AJAP1: variants seen among roughly 807,000 people sequenced by gnomAD.
The protein encoded by AJAP1 is adherens junction-associated protein 1.
AJAP1 carries 5 observed loss-of-function variants against 35.0 expected under a neutral mutation model. That is an observed-to-expected ratio of 0.14 (90% confidence interval 0.07 to 0.30). The LOEUF is 0.30. AJAP1 is among the 10% of genes least tolerant of loss of function. The pLI is 1.00. For missense variants in AJAP1, 586 were observed against 571.0 expected (o/e 1.03, Z -0.27); for synonymous variants, 284 against 249.3 (o/e 1.14, Z -1.31).
chr1:4,670,491 G>A (rs1639228463), intron 1 of AJAP1, among the ~76,000 whole-genome samples: 1 of 152,184 alleles, frequency 6.6e-6, no homozygotes. Flanking sequence ...ACAGTAACAA[G>A]GAACTTGTGA....
intron 3 of AJAP1, among the ~76,000 whole-genome samples, chr1:4,770,197 A>C (rs534197768): frequency 6.6e-6 from 1 of 152,140 alleles, no homozygotes; most frequent in African/African-American, 2.4e-5. Flanking sequence ...TGGGTTCCAG[A>C]TTCTTTCTCT....
At chr1:4,726,068 C>G (rs1002130178) in intron 2 of AJAP1, among the ~76,000 whole-genome samples, 1 of 152,294 alleles carries the variant, frequency 6.6e-6, no homozygotes, top group Admixed American at 6.5e-5. Context: ...GCAGAGGGCC[C>G]CAGGAGACCT....
chr1:4,781,939 C>T (rs2100376970), intron 5 of AJAP1, among the ~76,000 whole-genome samples: 1 of 152,334 alleles, frequency 6.6e-6, no homozygotes, highest in African/African-American at 2.4e-5. Context: ...CTGACCTGTG[C>T]CCAGGTGGGA....
rs1203881631 is a variant in AJAP1, at chr1:4,787,991, C to T, written c.*5506C>T. ...CAGTTTGTCAATTTGCTCTACCATA[C>T]TGTTTTTTGATTATTTGTTTGTTTT... On this transcript the variant is annotated 3_prime_UTR_variant, in exon 6 of 6. Transcript: ENST00000378191. 5 of 313,222 alleles carry T rather than the reference C, an allele frequency of 1.6e-5. No homozygotes were observed. Among genetic ancestry groups the T allele is most frequent in the Non-Finnish European group, 3.2e-5 (5 of 157,134 alleles). The allele number at this position is 313,222 out of a possible 1,614,324, so 19.4% of individuals were successfully genotyped here.
rs1176633731 is a variant in AJAP1, at chr1:4,712,527, C to T, written c.657C>T (p.Thr219=). 2 of 1,610,504 alleles carry T rather than the reference C, an allele frequency of 1.2e-6. No homozygotes were observed. Among genetic ancestry groups the T allele is most frequent in the Admixed American group, 3.3e-5 (2 of 59,748 alleles). The change falls in exon 2 of 6, where the codon ACC becomes ACT. Residue 219 remains threonine (T), a synonymous_variant. Transcript: ENST00000378191. ...CACGGAAGACAACTGTGGCCGCCAC[C>T]ACCACCACCACCACCACGGCCACCC... ...LQTRKTTVAA[T]TTTTTTATPM...
chr1:4,739,497 C>T (rs1220731830), intron 2 of AJAP1, among the ~76,000 whole-genome samples: 1 of 152,186 alleles, frequency 6.6e-6, no homozygotes, highest in Non-Finnish European at 1.5e-5. Context: ...GGAAATAAGT[C>T]AAAAAGTTAA....
chr1:4,674,156 C>A (rs1172065604), intron 1 of AJAP1, among the ~76,000 whole-genome samples: 1 of 151,408 alleles, frequency 6.6e-6, no homozygotes, highest in Non-Finnish European at 1.5e-5. Context: ...CCAGAGACTG[C>A]AAATCGGCCA....
intron 2 of AJAP1, among the ~76,000 whole-genome samples, chr1:4,717,819 A>C (rs968748651): frequency 6.6e-6 from 1 of 152,238 alleles, no homozygotes; most frequent in African/African-American, 2.4e-5. Flanking sequence ...AGCAGATGTC[A>C]CAGGGAGAGA....
chr1:4,656,144 G>T lies in AJAP1; in HGVS notation c.29+690G>T, dbSNP rs557571304. Reference sequence around the variant, plus strand: ...ACATACGCCCGCCGGCGCGCCCGGGGCTTGTCTGTGTCTGGGACTCCAGGG... The same window carrying T: ...ACATACGCCCGCCGGCGCGCCCGGGTCTTGTCTGTGTCTGGGACTCCAGGG... On this transcript the variant is annotated intron_variant, in intron 1 of 5. Coordinates refer to ENST00000378191, the MANE Select transcript of AJAP1 (RefSeq NM_018836.4). This position sits in a 1 kb window ranked among gnomAD's most constrained non-coding sequence, Gnocchi z 5.7. Among the ~76,000 whole-genome samples, 13 of 152,288 alleles carry T rather than the reference G, an allele frequency of 8.5e-5. No individual in the cohort carries two copies. The highest frequency in any genetic ancestry group is 3.9e-4 in the Admixed American group (6 of 15,306).
intron 1 of AJAP1, among the ~76,000 whole-genome samples, chr1:4,688,214 G>T (rs1447827798): frequency 6.6e-6 from 1 of 152,146 alleles, no homozygotes; most frequent in East Asian, 1.9e-4. Context: ...TTCGGAGGTT[G>T]GTGGCATGTT....
chr1:4,743,774 G>C (rs393976), intron 2 of AJAP1, among the ~76,000 whole-genome samples: 1 of 151,998 alleles, frequency 6.6e-6, no homozygotes. Context: ...CATCTATGGG[G>C]GGTCTCGCCG....
At chr1:4,701,219 C>T (rs950040276) in intron 1 of AJAP1, among the ~76,000 whole-genome samples, 1 of 152,220 alleles carries the variant, frequency 6.6e-6, no homozygotes, top group Admixed American at 6.5e-5. Context: ...GTGCTGGGTG[C>T]TCCCGTGAGC....
rs2100377407 is a variant in AJAP1 at position 4,782,179 on chromosome 1, C to A, written c.*60-366C>A. 6.6e-6 allele frequency among the ~76,000 whole-genome samples: 1 copy of A among 152,288 alleles called. No individual in the cohort carries two copies. The highest frequency in any genetic ancestry group is 1.9e-4 in the East Asian group (1 of 5,166). ...TGAGAGCAGGGCTGCCACACGCAGG[C>A]CCCCTGACATGCACGCCTGGGACCG... is the stretch of plus-strand genomic sequence containing the variant. On this transcript the variant is annotated intron_variant, in intron 5 of 5. Transcript: ENST00000378191. This position sits in a 1 kb window ranked among gnomAD's most constrained non-coding sequence, Gnocchi z 5.3.
intron 2 of AJAP1, among the ~76,000 whole-genome samples, chr1:4,755,239 T>C (rs974500915): frequency 1.3e-5 from 2 of 152,238 alleles, no homozygotes; most frequent in Non-Finnish European, 2.9e-5. Flanking sequence ...AGACAGCAGC[T>C]GTTACTGAAT....
At chr1:4,733,952 CG>C (rs1227979732) in intron 2 of AJAP1, among the ~76,000 whole-genome samples, 2 of 151,412 alleles carry the variant, frequency 1.3e-5, no homozygotes, top group African/African-American at 4.9e-5. Flanking sequence ...GAGGTGGGGG[CG>C]GGGGGAGCTG....
At chr1:4,746,376 T>C (rs1054859028) in intron 2 of AJAP1, among the ~76,000 whole-genome samples, 8 of 152,094 alleles carry the variant, frequency 5.3e-5, no homozygotes, top group Non-Finnish European at 8.8e-5. Context: ...CCAAATAAGG[T>C]CCCATGCTCA....
At chr1:4,658,334 C>G (rs974644458) in intron 1 of AJAP1, among the ~76,000 whole-genome samples, 5 of 152,186 alleles carry the variant, frequency 3.3e-5, no homozygotes, top group African/African-American at 1.2e-4. Flanking sequence ...TCACAGTTCC[C>G]CAAGCCCTCT....
intron 2 of AJAP1, among the ~76,000 whole-genome samples, chr1:4,747,488 G>A (rs903497342): frequency 1.3e-5 from 2 of 152,102 alleles, no homozygotes; most frequent in Admixed American, 6.5e-5. Context: ...ATCCTCCAGC[G>A]CATGTGAGGT....
At chr1:4,691,820 C>T (rs1639746684) in intron 1 of AJAP1, among the ~76,000 whole-genome samples, 2 of 152,112 alleles carry the variant, frequency 1.3e-5, no homozygotes, top group African/African-American at 4.8e-5. Context: ...AGAGGGGGCC[C>T]ATGACCTGCA....
Sources: gnomAD v4.1 joint callset for allele counts (sites outside exome capture counted in the v4.1 genomes callset) on GRCh38, gnomAD v4.1.1 for gene constraint, Gnocchi (gnomAD v3.1) non-coding constraint, MANE v1.5 for transcripts, NCBI Gene and HGNC (gene_info 2026-07-23, HGNC 2026-07-21) for gene names.